The following DOCK5 variants were observed in gnomAD, a reference collection of about 807,000 sequenced individuals.
DOCK5 encodes dedicator of cytokinesis protein 5.
Under a neutral mutation model 251.8 loss-of-function variants are expected in DOCK5, and 142 were observed. The ratio of observed to expected loss-of-function variants is 0.56; its 90% confidence interval spans 0.49 to 0.65. The LOEUF is 0.65. Ranked by LOEUF, DOCK5 falls within the 30% of genes least tolerant of loss-of-function variation. The pLI is 0.00. For synonymous variants in DOCK5, 842 were observed against 835.5 expected, an observed-to-expected ratio of 1.01 and a Z score of -0.13; for missense variants, 2,111 against 2,312.3, an observed-to-expected ratio of 0.91 and a Z score of 1.79.
intron 10 of DOCK5, among the ~76,000 whole-genome samples, chr8:25,302,828 G>C (rs2666171): frequency 0.69 from 104,353 of 152,030 alleles, 38,726 homozygotes; most frequent in Non-Finnish European, 0.83. Flanking sequence ...GACAAATATT[G>C]TATGATCCCA....
intron 12 of DOCK5, 141 bp downstream of exon 12, chr8:25,309,066 C>A: frequency 1.8e-6 from 2 of 1,129,992 alleles, no homozygotes; most frequent in Non-Finnish European, 2.4e-6. Context: ...CAGCTTCCAA[C>A]CACAGGCTTT....
At chr8:25,343,191 G>T (rs11783138) in intron 25 of DOCK5, among the ~76,000 whole-genome samples, 150,905 of 150,920 alleles carry the variant, frequency 1, 75,445 homozygotes, top group Middle Eastern at 1. Flanking sequence ...GTATTTTTGG[G>T]AGAGGGGGGG....
At chr8:25,408,193 T>C in intron 49 of DOCK5, 39 bp downstream of exon 49, 1 of 1,538,220 alleles carries the variant, frequency 6.5e-7, no homozygotes, top group Non-Finnish European at 8.8e-7. Flanking sequence ...CTCTGGAGGC[T>C]TGCCCCCCTC....
At chr8:25,397,629 C>T (rs914410086) in intron 45 of DOCK5, among the ~76,000 whole-genome samples, 1 of 152,196 alleles carries the variant, frequency 6.6e-6, no homozygotes, top group Non-Finnish European at 1.5e-5. Context: ...TTTTTAAATA[C>T]TGTAATACTT....
chr8:25,230,898 TGAA>T (rs1295770084), intron 1 of DOCK5, among the ~76,000 whole-genome samples: 2 of 152,088 alleles, frequency 1.3e-5, no homozygotes, highest in Admixed American at 1.3e-4. Flanking sequence ...GCGAAGAGTA[TGAA>T]GAAGAACAGT....
chr8:25,377,292 T>C lies in DOCK5; in HGVS notation c.3817-13T>C. 6.2e-7 allele frequency: 1 copy of C among 1,603,400 alleles called. No homozygotes were observed. Among genetic ancestry groups the C allele is most frequent in the South Asian group, 1.1e-5 (1 of 90,114 alleles). On this transcript the variant is annotated splice_polypyrimidine_tract_variant and intron_variant, in intron 37 of 51. Transcript: ENST00000276440. ...TGTTGTATTAACCGTGTGTCGCTTT[T>C]CTTCCTTTTCAGTGGTCTGACAAGC... is the stretch of plus-strand genomic sequence containing the variant.
At chr8:25,236,704 C>T (rs1264417574) in intron 1 of DOCK5, among the ~76,000 whole-genome samples, 1 of 151,978 alleles carries the variant, frequency 6.6e-6, no homozygotes, top group Non-Finnish European at 1.5e-5. Context: ...CCTCAGCCTT[C>T]TGAGTAGCTG....
intron 10 of DOCK5, among the ~76,000 whole-genome samples, chr8:25,303,313 A>G (rs1804816688): frequency 1.3e-5 from 2 of 152,122 alleles, no homozygotes; most frequent in South Asian, 4.1e-4. Flanking sequence ...ATAGAACCTA[A>G]GTTGTGACTA....
intron 2 of DOCK5, among the ~76,000 whole-genome samples, chr8:25,267,345 A>G (rs535627434): frequency 6.6e-6 from 1 of 152,318 alleles, no homozygotes; most frequent in South Asian, 2.1e-4. Flanking sequence ...AATCCTTTCA[A>G]TGTCTGAATG....
Position 25,264,414 on chromosome 8 carries a change from C to T in DOCK5, c.128-4431C>T, listed in dbSNP as rs974494629. On this transcript the variant is annotated intron_variant, in intron 2 of 51. Transcript: ENST00000276440. ...AAACCTCATCAATGTATATATCCTA[C>T]ATTTTTTTCATCTCTCTTCCTCTTC... Among the ~76,000 whole-genome samples the T allele has an allele frequency of 5.3e-5, 8 of 151,638 alleles. 1 individual carries two copies. Among genetic ancestry groups the T allele is most frequent in the African/African-American group, 1.9e-4 (8 of 41,034 alleles).
chr8:25,214,204 T>A (rs994699493), intron 1 of DOCK5, among the ~76,000 whole-genome samples: 51 of 152,164 alleles, frequency 3.4e-4, no homozygotes, highest in African/African-American at 1.2e-3. Context: ...TTAGGGATGC[T>A]CAGCCCTTAG....
At chr8:25,294,554 A>C (rs1447384083) in intron 6 of DOCK5, among the ~76,000 whole-genome samples, 1 of 152,070 alleles carries the variant, frequency 6.6e-6, no homozygotes, top group Non-Finnish European at 1.5e-5. Flanking sequence ...AAAAGCCTTG[A>C]GGGGAGGGAT....
At chr8:25,250,391 C>T (rs1270134959) in intron 2 of DOCK5, among the ~76,000 whole-genome samples, 2 of 152,214 alleles carry the variant, frequency 1.3e-5, no homozygotes, top group South Asian at 2.1e-4. Context: ...AGCGAGCGTT[C>T]TTGCCTTTCT....
intron 1 of DOCK5, among the ~76,000 whole-genome samples, chr8:25,205,700 G>C (rs1173751394): frequency 6.6e-6 from 1 of 152,174 alleles, no homozygotes; most frequent in East Asian, 1.9e-4. Flanking sequence ...CAAATCAGCT[G>C]GTGAACTCAT....
intron 40 of DOCK5, among the ~76,000 whole-genome samples, chr8:25,383,872 T>C (rs1372165225): frequency 1.3e-5 from 2 of 152,000 alleles, no homozygotes; most frequent in East Asian, 3.9e-4. Context: ...AATAAATAAA[T>C]AAACTATAAC....
At chr8:25,206,769 C>G (rs2117471583) in intron 1 of DOCK5, among the ~76,000 whole-genome samples, 1 of 152,336 alleles carries the variant, frequency 6.6e-6, no homozygotes, top group South Asian at 2.1e-4. Context: ...CAGGTTCCTT[C>G]TCTTGGGAAT....
chr8:25,367,969 A>G (rs767822128), intron 31 of DOCK5, among the ~76,000 whole-genome samples: 20 of 151,626 alleles, frequency 1.3e-4, no homozygotes, highest in African/African-American at 4.9e-4. Context: ...CTTCTCAGCT[A>G]TTTTTCAGCG....
chr8:25,233,916 C>T (rs1802732468), intron 1 of DOCK5, among the ~76,000 whole-genome samples: 1 of 152,174 alleles, frequency 6.6e-6, no homozygotes, highest in South Asian at 2.1e-4. Flanking sequence ...CATGTCCTAT[C>T]CTTCTGTTTC....
At chr8:25,390,815 T>G (rs1029114357) in intron 42 of DOCK5, among the ~76,000 whole-genome samples, 8 of 101,032 alleles carry the variant, frequency 7.9e-5, no homozygotes, top group Non-Finnish European at 1.8e-4. Flanking sequence ...CACCTTTTTT[T>G]TTGTTTTTTT....
Sources: allele counts gnomAD v4.1 joint callset (sites outside exome capture counted in the v4.1 genomes callset), GRCh38; gene constraint gnomAD v4.1.1; transcripts MANE v1.5; gene names NCBI Gene and HGNC (gene_info 2026-07-23, HGNC 2026-07-21).